Variants in MYCBP2 observed in about 807,000 individuals in gnomAD.
MYCBP2 encodes E3 ubiquitin-protein ligase MYCBP2.
MYCBP2 carries 120 observed loss-of-function variants against 525.3 expected under a neutral mutation model. That is an observed-to-expected ratio of 0.23 (90% CI 0.20 to 0.27). MYCBP2 has a LOEUF of 0.27. Among genes scored for constraint, MYCBP2 ranks in the 10% least tolerant of loss-of-function variants. The pLI is 1.00. For missense variants in MYCBP2, 4,149 were observed against 5,657.1 expected (o/e 0.73, Z 8.55); for synonymous variants, 1,894 against 1,955.8 (o/e 0.97, Z 0.83).
chr13:77,060,013 T>C (rs2038976311), intron 76 of MYCBP2, among the ~76,000 whole-genome samples: 1 of 152,136 alleles, frequency 6.6e-6, no homozygotes, highest in Non-Finnish European at 1.5e-5. Flanking sequence ...TCTTTAACTA[T>C]ATATAACAAA....
At position 77,185,334 on chromosome 13, in the gene MYCBP2, C is replaced by T. The variant is rs749402767; in HGVS notation, c.4488G>A (p.Glu1496=). 6.8e-6 allele frequency: 11 copies of T among 1,613,880 alleles called. No individual in the cohort carries two copies. The highest frequency in any genetic ancestry group is 1.7e-5 in the Admixed American group (1 of 60,012). The change falls in exon 32 of 83, where the codon GAG becomes GAA. Residue 1496 remains glutamate, a synonymous_variant. Transcript: ENST00000544440. The part of the protein sequence containing the change: ...AVVEETSKLA[E]CIGKTRTLLR... ...ACAAAGTTCTGGTTTTTCCAATACA[C>T]TCTGCTAATTTGCTAGTTTCTTCTA...
chr13:77,100,175 G>C (rs890821907), intron 55 of MYCBP2: 1 of 152,034 alleles, frequency 6.6e-6, no homozygotes, highest in African/African-American at 2.4e-5. Context: ...GGCTATAACT[G>C]CATGTTATTA....
At chr13:77,263,608 T>C in intron 10 of MYCBP2, 43 bp downstream of exon 10, 1 of 1,549,804 alleles carries the variant, frequency 6.5e-7, no homozygotes, top group Non-Finnish European at 8.8e-7. Flanking sequence ...TATGAAAAAT[T>C]GAAAATTAAA....
intron 32 of MYCBP2, 44 bp downstream of exon 32, chr13:77,185,059 C>T (rs1470627631): frequency 4.5e-6 from 7 of 1,554,510 alleles, no homozygotes; most frequent in South Asian, 1.2e-5. Flanking sequence ...GAGTATTAAG[C>T]AATATATCAG....
At chr13:77,099,744 T>C (rs886401352) in intron 55 of MYCBP2, 2 of 152,126 alleles carry the variant, frequency 1.3e-5, no homozygotes, top group African/African-American at 4.8e-5. Context: ...GTGGTAAAAG[T>C]CTGAACTGTG....
At chr13:77,105,031 G>A (rs1216892283) in intron 55 of MYCBP2, among the ~76,000 whole-genome samples, 2 of 152,066 alleles carry the variant, frequency 1.3e-5, no homozygotes, top group East Asian at 3.9e-4. Context: ...TATCAGTTAG[G>A]AGGGTGATAC....
intron 43 of MYCBP2, among the ~76,000 whole-genome samples, 197 bp downstream of exon 43, chr13:77,164,257 G>A (rs150340001): frequency 2.8e-4 from 42 of 152,216 alleles, no homozygotes; most frequent in African/African-American, 7.9e-4. Context: ...GTCCATGTGC[G>A]TGTGTAAATT....
chr13:77,148,845 A>G (rs1337512909), intron 47 of MYCBP2, among the ~76,000 whole-genome samples: 1 of 152,066 alleles, frequency 6.6e-6, no homozygotes, highest in Admixed American at 6.6e-5. Flanking sequence ...AAAACACATA[A>G]TTACTGTTTT....
intron 37 of MYCBP2, among the ~76,000 whole-genome samples, chr13:77,171,969 C>G (rs182415560): frequency 6.6e-6 from 1 of 152,116 alleles, no homozygotes; most frequent in Admixed American, 6.5e-5. Context: ...GGCATGATCT[C>G]GGCTCACTGC....
At chr13:77,317,151 C>T (rs2154379999) in intron 1 of MYCBP2, among the ~76,000 whole-genome samples, 1 of 152,266 alleles carries the variant, frequency 6.6e-6, no homozygotes, top group African/African-American at 2.4e-5. Flanking sequence ...AGGGTCTCAC[C>T]ATGTTGGCTG....
chr13:77,203,165 C>T (rs1160101098), intron 26 of MYCBP2, among the ~76,000 whole-genome samples: 1 of 152,112 alleles, frequency 6.6e-6, no homozygotes, highest in Non-Finnish European at 1.5e-5. Context: ...CAGCCCAAAA[C>T]CTCCTTAAGC....
intron 1 of MYCBP2, among the ~76,000 whole-genome samples, chr13:77,305,246 T>C (rs1043528525): frequency 6.6e-6 from 1 of 152,034 alleles, no homozygotes; most frequent in Non-Finnish European, 1.5e-5. Context: ...CCTATGAACA[T>C]AGAAGCAAAA....
chr13:77,309,057 TCTC>T (rs1181448442), intron 1 of MYCBP2, among the ~76,000 whole-genome samples: 1 of 152,166 alleles, frequency 6.6e-6, no homozygotes, highest in Non-Finnish European at 1.5e-5. Context: ...ACTAAGAACA[TCTC>T]CTACAGGTTA....
chr13:77,216,097 A>G (rs1164603916), intron 21 of MYCBP2, among the ~76,000 whole-genome samples: 1 of 152,190 alleles, frequency 6.6e-6, no homozygotes, highest in East Asian at 1.9e-4. Flanking sequence ...TTATGCTGGA[A>G]AGAAAGGAAG....
chr13:77,150,968 A>G lies in MYCBP2; in HGVS notation c.6916-19T>C. The G allele has an allele frequency of 6.3e-7, 1 of 1,578,010 alleles. No homozygotes were observed. Among genetic ancestry groups the G allele is most frequent in the Non-Finnish European group, 8.7e-7 (1 of 1,148,718 alleles). ...CTTCCACCTAAACATGGTATTATAG[A>G]AACCAAATACCATTATTATTTAATT... On this transcript the variant is annotated intron_variant, in intron 46 of 82. Coordinates refer to ENST00000544440, the MANE Select transcript of MYCBP2 (RefSeq NM_015057.5).
chr13:77,168,383 C>G (rs1285099219), intron 40 of MYCBP2, 45 bp downstream of exon 40: 2 of 1,536,956 alleles, frequency 1.3e-6, no homozygotes, highest in Admixed American at 3.4e-5. Context: ...CAGAGAACCT[C>G]ATGCCAAGTT....
At chr13:77,063,911 T>C (rs2039776743) in intron 73 of MYCBP2, among the ~76,000 whole-genome samples, 1 of 152,230 alleles carries the variant, frequency 6.6e-6, no homozygotes, top group Non-Finnish European at 1.5e-5. Flanking sequence ...AAATTGACTT[T>C]TTCCGCCCTA....
At position 77,177,915 on chromosome 13, in the gene MYCBP2, C is replaced by T. The variant is rs777891244; in HGVS notation, c.5173G>A (p.Ala1725Thr). 2 of 1,613,166 alleles carry T rather than the reference C, an allele frequency of 1.2e-6. No homozygotes were observed. The change falls in exon 35 of 83, where the codon GCT becomes ACT. Residue 1725 changes from alanine (A) to threonine (T), a missense_variant. Transcript: ENST00000544440. ...LNSLHSVKAS[A>T]NRFTKTSQGR... ...TGACTTGTTTTTGTAAATCGGTTAGCACTAGCTTTTACAGAGTGAAGAGAA... is the reference window on the plus strand; with the variant it reads ...TGACTTGTTTTTGTAAATCGGTTAGTACTAGCTTTTACAGAGTGAAGAGAA...
In MYCBP2 at chr13:77,326,240, G is replaced by GACAC. The variant is rs398023536; in HGVS notation, c.302+230_302+233dup. Among the ~76,000 whole-genome samples the GACAC allele has an allele frequency of 0.079, 10,096 of 127,698 alleles. 461 individuals carry two copies. The highest frequency in any genetic ancestry group is 0.091 in the Admixed American group (1,159 of 12,712). 83.8% of individuals were successfully genotyped at this position (127,698 alleles called of 152,430 possible). ...CACTATCCCCCCACATAGGCAGGCA[G>GACAC]ACACACACACACACACACACACACA... is the stretch of plus-strand genomic sequence containing the variant. On this transcript the variant is annotated intron_variant, in intron 1 of 82. Transcript: ENST00000544440. The surrounding 1 kb of genome is among the most constrained non-coding windows in gnomAD (Gnocchi z 4.2).
Sources: gnomAD v4.1 joint callset for allele counts (sites outside exome capture counted in the v4.1 genomes callset) on GRCh38, gnomAD v4.1.1 for gene constraint, Gnocchi (gnomAD v3.1) non-coding constraint, MANE v1.5 for transcripts, NCBI Gene and HGNC (gene_info 2026-07-23, HGNC 2026-07-21) for gene names.